The following KCNH6 variants were observed in gnomAD, a reference collection of about 807,000 sequenced individuals.
KCNH6 encodes potassium voltage-gated channel subfamily H member 6, also known as voltage-gated inwardly rectifying potassium channel KCNH6.
A neutral mutation model predicts 83.4 loss-of-function variants in KCNH6; 81 were observed. The observed-to-expected ratio is 0.97, with a 90% CI of 0.81 to 1.17. The LOEUF (loss-of-function observed/expected upper bound fraction) is 1.17. Ranked by LOEUF, KCNH6 falls within the 50% of genes most tolerant of loss-of-function variation. The pLI is 0.00. For synonymous variants in KCNH6, 503 were observed against 545.6 expected (o/e 0.92, Z 1.09); for missense variants, 1,203 against 1,290.5 (o/e 0.93, Z 1.04).
chr17:63,544,627 G>A (rs1312938705), intron 11 of KCNH6, among the ~76,000 whole-genome samples: 12 of 152,136 alleles, frequency 7.9e-5, no homozygotes, highest in Non-Finnish European at 1.8e-4. Flanking sequence ...GCACAACCAT[G>A]TGCAGAAACA....
rs2031855030 is a variant in KCNH6 at position 63,528,347 on chromosome 17, C to T, written c.308-1744C>T. On this transcript the variant is annotated intron_variant, in intron 2 of 12. Coordinates refer to ENST00000314672, the MANE Select transcript of KCNH6 (RefSeq NM_001278919.2). ...GCCTCTCCCCAGTGTGGGTGTCTCC[C>T]CTGGGCCCAGGCAGCAGATGGTAGA... 2.0e-5 allele frequency among the ~76,000 whole-genome samples: 3 copies of T among 152,142 alleles called. No homozygotes were observed. In the South Asian group the frequency reaches 6.2e-4, roughly 31 times the overall value.
chr17:63,544,336 G>A lies in KCNH6; in HGVS notation c.2321G>A (p.Ser774Asn). ...QEMPPRHSPQ[S>N]PQEDPDCWPL... ...ATGCCCCCAAGGCACAGCCCCCAAAGCCCTCAGGAAGACCCAGATTGCTGG... is the reference window on the plus strand; with the variant it reads ...ATGCCCCCAAGGCACAGCCCCCAAAACCCTCAGGAAGACCCAGATTGCTGG... Residue 774 changes from serine (S) to asparagine (N), a missense_variant, in exon 11 of 13, where the codon AGC (serine) becomes AAC (asparagine). Ser to Asn is a conservative substitution (Grantham distance 46, BLOSUM62 1). Coordinates refer to ENST00000314672, the MANE Select transcript of KCNH6 (RefSeq NM_001278919.2). 6.2e-7 allele frequency: 1 copy of A among 1,612,346 alleles called. No individual in the cohort carries two copies. Among genetic ancestry groups the A allele is most frequent in the Non-Finnish European group, 8.5e-7 (1 of 1,179,202 alleles).
At chr17:63,529,146 A>G (rs1342825448) in intron 2 of KCNH6, among the ~76,000 whole-genome samples, 1 of 152,186 alleles carries the variant, frequency 6.6e-6, no homozygotes, top group Non-Finnish European at 1.5e-5. Flanking sequence ...GGCATGGGGC[A>G]TTTTAGCTGG....
In KCNH6 at chr17:63,524,383, A is replaced by G; in HGVS notation, c.307+14A>G. Reference sequence around the variant, plus strand: ...ACCGCAAGGATGGTGAGGCATACTCAGGCCAGAGGCTTTGCAGGGCAGGCT... The same window carrying G: ...ACCGCAAGGATGGTGAGGCATACTCGGGCCAGAGGCTTTGCAGGGCAGGCT... On this transcript the variant is annotated intron_variant, in intron 2 of 12. Transcript: ENST00000314672. The G allele has an allele frequency of 6.2e-7, 1 of 1,606,324 alleles. No individual in the cohort carries two copies.
In KCNH6 at chr17:63,534,176, C is replaced by T; in HGVS notation, c.966C>T (p.Thr322=). 1 of 1,614,032 alleles carries T rather than the reference C, an allele frequency of 6.2e-7. No homozygotes were observed. Among genetic ancestry groups the T allele is most frequent in the Non-Finnish European group, 8.5e-7 (1 of 1,179,972 alleles). Residue 322 remains threonine, a synonymous_variant, in exon 5 of 13, where the codon ACC becomes ACT. Transcript: ENST00000314672. This position sits in a 1 kb window ranked among gnomAD's most constrained non-coding sequence, Gnocchi z 5.0. ...VVDIVINFRT[T]YVNTNDEVVS... ...ACATCGTCATCAACTTCCGCACCACCTATGTCAACACCAATGATGAGGTGG... is the reference window on the plus strand; with the variant it reads ...ACATCGTCATCAACTTCCGCACCACTTATGTCAACACCAATGATGAGGTGG...
chr17:63,542,336 A>C lies in KCNH6; in HGVS notation c.2050A>C (p.Lys684Gln). Reference sequence around the variant, plus strand: ...GGCTCTGACCTACTGCGACCTGCACAAGATCCAGCGGGCAGATCTGCTGGA... The same window carrying C: ...GGCTCTGACCTACTGCGACCTGCACCAGATCCAGCGGGCAGATCTGCTGGA... The part of the protein sequence containing the change: ...VRALTYCDLH[K>Q]IQRADLLEVL... Residue 684 changes from lysine (K) to glutamine (Q), a missense_variant, in exon 9 of 13, where the codon AAG (lysine) becomes CAG (glutamine). Physicochemically the swap from Lys to Gln is moderately conservative, Grantham distance 53. Coordinates refer to ENST00000314672, the MANE Select transcript of KCNH6 (RefSeq NM_001278919.2). 6.2e-7 allele frequency: 1 copy of C among 1,614,146 alleles called. No homozygotes were observed. The highest frequency in any genetic ancestry group is 1.1e-5 in the South Asian group (1 of 91,086).
chr17:63,545,337 A>G, intron 12 of KCNH6, 73 bp downstream of exon 12: 1 of 1,506,342 alleles, frequency 6.6e-7, no homozygotes, highest in Non-Finnish European at 9.1e-7. Context: ...ACTTGTTCAC[A>G]GTGCAGCATC....
At position 63,540,925 on chromosome 17, in the gene KCNH6, G is replaced by T. The variant is rs533391478; in HGVS notation, c.1955-1316G>T. Among the ~76,000 whole-genome samples, 7 of 152,218 alleles carry T rather than the reference G, an allele frequency of 4.6e-5. No individual in the cohort carries two copies. In the South Asian group the frequency reaches 1.5e-3, roughly 32 times the overall value. ...GCCTTTCTCATGGGGGCTGGTCCTT[G>T]TTTCTCTCGACACAGCCCCCACTTC... On this transcript the variant is annotated intron_variant, in intron 8 of 12. Coordinates refer to ENST00000314672, the MANE Select transcript of KCNH6 (RefSeq NM_001278919.2).
rs577691966 is a variant in KCNH6 at position 63,533,384 on chromosome 17, C to A, written c.676-502C>A. 4.6e-5 allele frequency among the ~76,000 whole-genome samples: 7 copies of A among 152,178 alleles called. No homozygotes were observed. The highest frequency in any genetic ancestry group is 1.7e-4 in the African/African-American group (7 of 41,522). The stretch of plus-strand genomic sequence containing the variant: ...CTGAGTTGGCCTCAGAGAGGGCACT[C>A]ACTGGTCCTGGATCCCCAGGGCCCT... On this transcript the variant is annotated intron_variant, in intron 4 of 12. Coordinates refer to ENST00000314672, the MANE Select transcript of KCNH6 (RefSeq NM_001278919.2). The surrounding 1 kb of genome is among the most constrained non-coding windows in gnomAD (Gnocchi z 4.1).
At chr17:63,529,128 C>T (rs1051964457) in intron 2 of KCNH6, among the ~76,000 whole-genome samples, 2 of 152,228 alleles carry the variant, frequency 1.3e-5, no homozygotes, top group Admixed American at 1.3e-4. Context: ...AGCCACCACG[C>T]CCGGCCAGGC....
chr17:63,535,959 C>G lies in KCNH6; in HGVS notation c.1392C>G (p.Val464=), dbSNP rs2032469028. The change falls in exon 6 of 13, where the codon GTC becomes GTG. Residue 464 remains valine (V), a synonymous_variant. Coordinates refer to ENST00000314672, the MANE Select transcript of KCNH6 (RefSeq NM_001278919.2). This position sits in a 1 kb window ranked among gnomAD's most constrained non-coding sequence, Gnocchi z 4.9. ...GCCCCTCGGTGCAGGACAAGTATGT[C>G]ACAGCCCTCTACTTCACCTTCAGCA... ...ASGPSVQDKY[V]TALYFTFSSL... 8 of 1,613,816 alleles carry G rather than the reference C, an allele frequency of 5.0e-6. No homozygotes were observed. The highest frequency in any genetic ancestry group is 6.8e-6 in the Non-Finnish European group (8 of 1,180,058).
chr17:63,526,922 T>C (rs1372926092), intron 2 of KCNH6, among the ~76,000 whole-genome samples: 1 of 152,080 alleles, frequency 6.6e-6, no homozygotes, highest in Non-Finnish European at 1.5e-5. Context: ...CTTCCTCTAT[T>C]TGCCTTTGCT....
Position 63,546,118 on chromosome 17 carries a change from T to C in KCNH6, c.*216T>C. 4.1e-6 allele frequency: 2 copies of C among 489,660 alleles called. No individual in the cohort carries two copies. Among genetic ancestry groups the C allele is most frequent in the Non-Finnish European group, 7.3e-6 (2 of 272,882 alleles). 30.3% of individuals were successfully genotyped at this position (489,660 alleles called of 1,614,324 possible). A position where few individuals can be genotyped will look rare whatever the true frequency, so the allele number is the denominator to read the frequency against. ...AGCCGGGCGTGGTGGCAGGCGCCTG[T>C]AATCCCAGCTACTGGGGAGGCTGAG... is the stretch of plus-strand genomic sequence containing the variant. On this transcript the variant is annotated 3_prime_UTR_variant, in exon 13 of 13. Coordinates refer to ENST00000314672, the MANE Select transcript of KCNH6 (RefSeq NM_001278919.2).
At position 63,535,823 on chromosome 17, in the gene KCNH6, G is replaced by A; in HGVS notation, c.1256G>A (p.Trp419Ter). ...ATAGCGCACTGGCTGGCCTGCATCT[G>A]GTACGCCATCGGCAATGTGGAGCGG... ...ALIAHWLACI[W>*]YAIGNVERPY... The change falls in exon 6 of 13, where the codon TGG (tryptophan) becomes TAG (stop). Residue 419 changes from tryptophan to a stop codon, truncating the protein, a stop_gained. Transcript: ENST00000314672. LOFTEE classifies it high-confidence loss of function. This position sits in a 1 kb window ranked among gnomAD's most constrained non-coding sequence, Gnocchi z 4.9. The A allele has an allele frequency of 6.2e-7, 1 of 1,614,228 alleles. No homozygotes were observed. The highest frequency in any genetic ancestry group is 1.1e-5 in the South Asian group (1 of 91,086).
intron 8 of KCNH6, among the ~76,000 whole-genome samples, chr17:63,539,133 C>T (rs2032717306): frequency 6.6e-6 from 1 of 152,170 alleles, no homozygotes; most frequent in African/African-American, 2.4e-5. Flanking sequence ...AGGTCACAAG[C>T]AGCCTCTGTC....
chr17:63,541,515 C>T (rs946740726), intron 8 of KCNH6, among the ~76,000 whole-genome samples: 2 of 148,568 alleles, frequency 1.3e-5, no homozygotes, highest in Non-Finnish European at 2.9e-5. Flanking sequence ...AGACTGGTCT[C>T]GAACCGACCT....
rs769357768 is a variant in KCNH6, at chr17:63,542,411, G to C, written c.2125G>C (p.Glu709Gln). Residue 709 changes from glutamate to glutamine, a missense_variant, in exon 9 of 13, where the codon GAG (glutamate) becomes CAG (glutamine). Physicochemically the swap from Glu to Gln is conservative, Grantham distance 29. Coordinates refer to ENST00000314672, the MANE Select transcript of KCNH6 (RefSeq NM_001278919.2). ...TGCGGAGAGCTTCTGGAGTAAGCTGGAGGTCACCTTCAACCTGCGGGACGT... is the reference window on the plus strand; with the variant it reads ...TGCGGAGAGCTTCTGGAGTAAGCTGCAGGTCACCTTCAACCTGCGGGACGT... ...AFAESFWSKL[E>Q]VTFNLRDAAG... The C allele has an allele frequency of 6.2e-7, 1 of 1,614,128 alleles. No homozygotes were observed. Among genetic ancestry groups the C allele is most frequent in the South Asian group, 1.1e-5 (1 of 91,088 alleles).
At position 63,530,124 on chromosome 17, in the gene KCNH6, C is replaced by T; in HGVS notation, c.341C>T (p.Pro114Leu). The change falls in exon 3 of 13, where the codon CCC (proline) becomes CTC (leucine). Residue 114 changes from proline to leucine, a missense_variant. Physicochemically the swap from Pro to Leu is moderately conservative, Grantham distance 98. Transcript: ENST00000314672. ...SSFRCLVDVV[P>L]VKNEDGAVIM... ...TTCCGCTGCCTGGTAGATGTGGTGC[C>T]CGTGAAGAACGAGGACGGGGCTGTC... is the stretch of plus-strand genomic sequence containing the variant. 1 of 1,613,854 alleles carries T rather than the reference C, an allele frequency of 6.2e-7. No homozygotes were observed. Among genetic ancestry groups the T allele is most frequent in the Non-Finnish European group, 8.5e-7 (1 of 1,180,042 alleles).
intron 2 of KCNH6, among the ~76,000 whole-genome samples, chr17:63,525,790 G>T (rs2031672755): frequency 6.6e-6 from 1 of 152,154 alleles, no homozygotes; most frequent in East Asian, 1.9e-4. Context: ...AGTACTCACA[G>T]GGTTAATGAA....
Sources: allele counts gnomAD v4.1 joint callset (sites outside exome capture counted in the v4.1 genomes callset), GRCh38; gene constraint gnomAD v4.1.1; non-coding constraint Gnocchi (gnomAD v3.1); transcripts MANE v1.5; gene names NCBI Gene and HGNC (gene_info 2026-07-23, HGNC 2026-07-21).